Variants in HECW1 observed in about 807,000 individuals in gnomAD.
HECW1 encodes the protein E3 ubiquitin-protein ligase HECW1.
HECW1 carries 61 observed loss-of-function variants against 182.3 expected under a neutral mutation model. The observed-to-expected ratio is 0.33, with a 90% CI of 0.27 to 0.41. The LOEUF (loss-of-function observed/expected upper bound fraction) is 0.41. Ranked by LOEUF, HECW1 falls within the 10% of genes least tolerant of loss-of-function variation. The pLI, the probability that HECW1 is intolerant of heterozygous loss-of-function variation, is 1.00. For missense variants in HECW1, 1,739 were observed against 2,108.9 expected (o/e 0.82, Z 3.44); for synonymous variants, 859 against 832.6 (o/e 1.03, Z -0.55).
intron 2 of HECW1, among the ~76,000 whole-genome samples, chr7:43,202,031 A>G (rs1000300604): frequency 1.3e-5 from 2 of 152,196 alleles, no homozygotes; most frequent in Non-Finnish European, 2.9e-5. Flanking sequence ...TAAAAATAAT[A>G]CTTAGCCAAC....
intron 4 of HECW1, among the ~76,000 whole-genome samples, chr7:43,319,172 G>A (rs1006647253): frequency 2.5e-4 from 38 of 151,894 alleles, no homozygotes; most frequent in African/African-American, 8.5e-4. Context: ...TGGATCATGA[G>A]GTCAGGAGAT....
At chr7:43,537,047 G>C (rs2081202548) in intron 24 of HECW1, among the ~76,000 whole-genome samples, 1 of 152,220 alleles carries the variant, frequency 6.6e-6, no homozygotes, top group South Asian at 2.1e-4. Context: ...ATGGCCGCCA[G>C]AATGTCAGCG....
intron 24 of HECW1, among the ~76,000 whole-genome samples, chr7:43,528,084 G>A (rs1346313585): frequency 1.3e-5 from 2 of 152,210 alleles, no homozygotes; most frequent in Admixed American, 6.5e-5. Flanking sequence ...TTTGTAGAGT[G>A]AATTGTTCAG....
At chr7:43,341,458 G>T (rs1016622773) in intron 5 of HECW1, among the ~76,000 whole-genome samples, 2 of 151,670 alleles carry the variant, frequency 1.3e-5, no homozygotes, top group African/African-American at 4.9e-5. Context: ...AATTAGTCAA[G>T]TAATATACAG....
intron 2 of HECW1, among the ~76,000 whole-genome samples, chr7:43,230,576 G>A (rs1018390258): frequency 1.1e-4 from 16 of 152,088 alleles, no homozygotes; most frequent in African/African-American, 3.1e-4. Flanking sequence ...TTAATATCCT[G>A]ATTTTTATAA....
rs771363542 is a variant in HECW1, at chr7:43,320,818, G to A, written c.460+76G>A. ...TTCAACTGTTTCATTATTTGTTCCC[G>A]TTGCACTGCCTCCACTAAGAAATGG... On this transcript the variant is annotated intron_variant, in intron 5 of 29. Coordinates refer to ENST00000395891, the MANE Select transcript of HECW1 (RefSeq NM_015052.5). 286 of 1,071,344 alleles carry A rather than the reference G, an allele frequency of 2.7e-4. 1 individual carries two copies. Among genetic ancestry groups the A allele is most frequent in the Non-Finnish European group, 2.2e-4 (154 of 693,098 alleles). The allele number at this position is 1,071,344 out of a possible 1,614,324, so 66.4% of individuals were successfully genotyped here. A position where few individuals can be genotyped will look rare whatever the true frequency, so the allele number is the denominator to read the frequency against.
intron 2 of HECW1, among the ~76,000 whole-genome samples, chr7:43,240,204 G>A (rs1798749605): frequency 1.3e-5 from 2 of 152,212 alleles, no homozygotes; most frequent in African/African-American, 4.8e-5. Flanking sequence ...CAGGCATGGT[G>A]GTGGGCGCTT....
Position 43,312,057 on chromosome 7 carries a change from G to C in HECW1, c.322G>C (p.Ala108Pro). 1 of 1,614,192 alleles carries C rather than the reference G, an allele frequency of 6.2e-7. No homozygotes were observed. Among genetic ancestry groups the C allele is most frequent in the Non-Finnish European group, 8.5e-7 (1 of 1,180,012 alleles). Residue 108 changes from alanine to proline, a missense_variant, in exon 4 of 30, where the codon GCT becomes CCT. This residue lies in a region of HECW1 where 279 missense variants were observed against 353.1 expected (regional missense o/e 0.79). Coordinates refer to ENST00000395891, the MANE Select transcript of HECW1 (RefSeq NM_015052.5). ...IHWDIKEEVD[A>P]GDWIGMYLID... ...CTGGGACATAAAGGAGGAAGTGGAC[G>C]CTGGGGACTGGATTGGCATGTACCT...
At chr7:43,389,513 A>T (rs76531508) in intron 6 of HECW1, among the ~76,000 whole-genome samples, 3,665 of 152,316 alleles carry the variant, frequency 0.024, 123 homozygotes, top group African/African-American at 0.076. Flanking sequence ...GAGAAGAATC[A>T]CTTTACACCC....
chr7:43,113,575 C>G (rs1484587015), intron 1 of HECW1: 1 of 176,820 alleles, frequency 5.7e-6, no homozygotes, highest in Non-Finnish European at 1.2e-5. Context: ...CTGCGCCGCT[C>G]AGCCGGGCCT....
rs1360882408 is a variant in HECW1 at position 43,374,602 on chromosome 7, G to A, written c.555+13622G>A. Among the ~76,000 whole-genome samples, 4 of 54,328 alleles carry A rather than the reference G, an allele frequency of 7.4e-5. 1 individual carries two copies. Among genetic ancestry groups the A allele is most frequent in the Non-Finnish European group, 9.6e-5 (3 of 31,310 alleles). The allele number at this position is 54,328 out of a possible 152,430, so 35.6% of individuals were successfully genotyped here. A position where few individuals can be genotyped will look rare whatever the true frequency, so the allele number is the denominator to read the frequency against. ...ATCCCGGCTAAAACGGTGAAACCCC[G>A]TCTCTACTAAAAATACAAAAAATTA... On this transcript the variant is annotated intron_variant, in intron 6 of 29. Coordinates refer to ENST00000395891, the MANE Select transcript of HECW1 (RefSeq NM_015052.5).
intron 2 of HECW1, among the ~76,000 whole-genome samples, chr7:43,144,354 T>C (rs915592824): frequency 7.2e-5 from 11 of 152,144 alleles, no homozygotes; most frequent in African/African-American, 2.7e-4. Context: ...ATGAAATTTC[T>C]CTTTTTCCCC....
chr7:43,551,895 G>A (rs2152959499), intron 27 of HECW1, among the ~76,000 whole-genome samples: 1 of 152,186 alleles, frequency 6.6e-6, no homozygotes, highest in Admixed American at 6.5e-5. Flanking sequence ...TTCTCCCTGT[G>A]TCTTCATGTG....
In HECW1 at chr7:43,333,486, G is replaced by A. The variant is rs2214608; in HGVS notation, c.460+12744G>A. Among the ~76,000 whole-genome samples, 1,362 of 152,274 alleles carry A rather than the reference G, an allele frequency of 8.9e-3. 23 individuals are homozygous for A. Among genetic ancestry groups the A allele is most frequent in the African/African-American group, 0.032 (1,322 of 41,554 alleles). ...ATAAAAGTATTACTTATTCCCTACA[G>A]AAAATTTGAGGAAAAGATCAAAGCA... On this transcript the variant is annotated intron_variant, in intron 5 of 29. Coordinates refer to ENST00000395891, the MANE Select transcript of HECW1 (RefSeq NM_015052.5).
intron 24 of HECW1, among the ~76,000 whole-genome samples, chr7:43,532,463 A>AATCT (rs2081030562): frequency 6.6e-6 from 1 of 152,176 alleles, no homozygotes; most frequent in South Asian, 2.1e-4. Flanking sequence ...CTTAGAATGA[A>AATCT]ATCTAAAGTC....
intron 2 of HECW1, among the ~76,000 whole-genome samples, chr7:43,224,754 G>A (rs1797276159): frequency 6.6e-6 from 1 of 152,214 alleles, no homozygotes; most frequent in Admixed American, 6.5e-5. Context: ...GGTTGAGGCT[G>A]CAGTGAGCCG....
intron 3 of HECW1, among the ~76,000 whole-genome samples, chr7:43,258,244 A>G (rs1303752515): frequency 2.0e-5 from 3 of 151,378 alleles, no homozygotes; most frequent in Non-Finnish European, 3.0e-5. Flanking sequence ...TCGGGAGGCT[A>G]AGGCATGAGA....
intron 3 of HECW1, among the ~76,000 whole-genome samples, chr7:43,305,801 C>T (rs1180468021): frequency 6.6e-6 from 1 of 151,442 alleles, no homozygotes. Flanking sequence ...GCTCTTGTTG[C>T]CCAGGCTGGA....
At chr7:43,436,455 C>T (rs567299544) in intron 8 of HECW1, among the ~76,000 whole-genome samples, 8 of 152,000 alleles carry the variant, frequency 5.3e-5, no homozygotes, top group Admixed American at 3.3e-4. Flanking sequence ...AGGCTGAGTC[C>T]GAAAAGGGAG....
Sources: allele counts gnomAD v4.1 joint callset (sites outside exome capture counted in the v4.1 genomes callset), GRCh38; gene constraint gnomAD v4.1.1; regional missense constraint gnomAD v4.1.1; transcripts MANE v1.5; gene names NCBI Gene and HGNC (gene_info 2026-07-23, HGNC 2026-07-21).